Variants in FARS2 observed in about 807,000 individuals in gnomAD.
FARS2 encodes the protein phenylalanine--tRNA ligase, mitochondrial.
In FARS2, 40 loss-of-function variants were observed where a neutral mutation model predicts 46.4. The ratio of observed to expected loss-of-function variants is 0.86; its 90% CI spans 0.67 to 1.12. The LOEUF (loss-of-function observed/expected upper bound fraction) is 1.12. FARS2 is among the 50% of genes most tolerant of loss of function. The pLI, the probability that FARS2 is intolerant of heterozygous loss-of-function variation, is 0.00. For synonymous variants in FARS2, 234 were observed against 214.9 expected (o/e 1.09, Z -0.78); for missense variants, 513 against 567.9 (o/e 0.90, Z 0.98).
At chr6:5,480,772 T>C (rs1766406406) in intron 4 of FARS2, among the ~76,000 whole-genome samples, 1 of 152,228 alleles carries the variant, frequency 6.6e-6, no homozygotes, top group Non-Finnish European at 1.5e-5. Context: ...TGGCTTCTTT[T>C]CTGACTGAGT....
intron 1 of FARS2, among the ~76,000 whole-genome samples, chr6:5,363,178 G>A (rs966440355): frequency 5.3e-5 from 8 of 151,612 alleles, no homozygotes; most frequent in Non-Finnish European, 1.2e-4. Flanking sequence ...CACCCACCTC[G>A]GCCTCCCAAA....
chr6:5,484,225 A>G (rs1207119854), intron 4 of FARS2, among the ~76,000 whole-genome samples: 1 of 152,236 alleles, frequency 6.6e-6, no homozygotes, highest in African/African-American at 2.4e-5. Context: ...AAGTAATCAT[A>G]ATGGTTGAGT....
At chr6:5,570,722 G>A (rs1182637988) in intron 5 of FARS2, among the ~76,000 whole-genome samples, 1 of 152,178 alleles carries the variant, frequency 6.6e-6, no homozygotes, top group South Asian at 2.1e-4. Flanking sequence ...CAACATGATT[G>A]CTGACGGGGA....
At chr6:5,609,617 A>G (rs1775059178) in intron 5 of FARS2, 1 of 1,221,432 alleles carries the variant, frequency 8.2e-7, no homozygotes, top group Admixed American at 1.7e-5. Flanking sequence ...TCTTTGGCTG[A>G]AAGAAGCACT....
At chr6:5,334,291 G>A (rs901785942) in intron 1 of FARS2, among the ~76,000 whole-genome samples, 5 of 152,146 alleles carry the variant, frequency 3.3e-5, no homozygotes, top group African/African-American at 7.2e-5. Context: ...CCTAACTGGC[G>A]CACTCCCTCT....
At chr6:5,552,489 T>G (rs1187390109) in intron 5 of FARS2, among the ~76,000 whole-genome samples, 1 of 152,158 alleles carries the variant, frequency 6.6e-6, no homozygotes, top group Non-Finnish European at 1.5e-5. Flanking sequence ...GGTGTCTTTC[T>G]CTGTGCGGCC....
chr6:5,298,252 A>G (rs9502286), intron 1 of FARS2, among the ~76,000 whole-genome samples: 2 of 151,962 alleles, frequency 1.3e-5, no homozygotes, highest in African/African-American at 2.4e-5. Flanking sequence ...TGCTTCTTGT[A>G]TTGTTGTCAG....
At chr6:5,250,088 A>G in the FARS2 span, among the ~76,000 whole-genome samples, 1 of 152,170 alleles carries the variant, frequency 6.6e-6, no homozygotes, top group Non-Finnish European at 1.5e-5. Flanking sequence ...ATTTACTTAT[A>G]ATTGTACTTT....
chr6:5,498,850 G>A (rs899616146), intron 4 of FARS2, among the ~76,000 whole-genome samples: 46 of 152,224 alleles, frequency 3.0e-4, no homozygotes, highest in African/African-American at 1.0e-3. Flanking sequence ...AAATTAAGCA[G>A]GATGCTAGAA....
intron 6 of FARS2, among the ~76,000 whole-genome samples, chr6:5,650,044 G>T (rs947843838): frequency 6.6e-6 from 1 of 152,230 alleles, no homozygotes; most frequent in South Asian, 2.1e-4. Flanking sequence ...CCCCACTGCC[G>T]GACCCATTTT....
intron 1 of FARS2, among the ~76,000 whole-genome samples, chr6:5,340,748 A>G (rs909592070): frequency 1.3e-5 from 2 of 152,116 alleles, no homozygotes; most frequent in Non-Finnish European, 1.5e-5. Flanking sequence ...AGGCTAAGCC[A>G]TCTTCTGCCC....
chr6:5,428,125 G>T (rs945414486), intron 3 of FARS2, among the ~76,000 whole-genome samples: 10 of 152,114 alleles, frequency 6.6e-5, no homozygotes, highest in East Asian at 1.9e-4. Context: ...TTTAGTTAGG[G>T]TTTAATAAAC....
intron 4 of FARS2, among the ~76,000 whole-genome samples, chr6:5,458,769 A>C (rs1283260382): frequency 2.6e-5 from 4 of 152,222 alleles, no homozygotes; most frequent in African/African-American, 9.6e-5. Context: ...TCATTTCAAG[A>C]ATCAACATGG....
chr6:5,488,237 G>A (rs1582248289), intron 4 of FARS2, among the ~76,000 whole-genome samples: 1 of 151,842 alleles, frequency 6.6e-6, no homozygotes, highest in Non-Finnish European at 1.5e-5. Context: ...AAACTTCAAG[G>A]AAAAAAGTAC....
chr6:5,315,749 T>TCTTC (rs1769460071), intron 1 of FARS2, among the ~76,000 whole-genome samples: 4 of 149,540 alleles, frequency 2.7e-5, no homozygotes, highest in East Asian at 1.9e-4. Flanking sequence ...TTCCTTTCTT[T>TCTTC]CTTTCTTTCT....
At chr6:5,576,086 A>T (rs529534718) in intron 5 of FARS2, among the ~76,000 whole-genome samples, 32 of 152,244 alleles carry the variant, frequency 2.1e-4, no homozygotes, top group African/African-American at 7.7e-4. Flanking sequence ...AAAACGATTG[A>T]GTCTCATCAC....
chr6:5,632,646 C>T (rs1056364010), intron 6 of FARS2, among the ~76,000 whole-genome samples: 2 of 145,854 alleles, frequency 1.4e-5, no homozygotes, highest in Admixed American at 1.4e-4. Context: ...TTCTTCCTTC[C>T]TTCCTTCCTT....
chr6:5,533,971 T>G (rs748706514), intron 4 of FARS2, among the ~76,000 whole-genome samples: 1 of 152,248 alleles, frequency 6.6e-6, no homozygotes, highest in Non-Finnish European at 1.5e-5. Flanking sequence ...TAAGGAAGAT[T>G]TAGAATAGAA....
rs147458527 is a variant in FARS2, at chr6:5,759,975, C to T, written c.1218-11316C>T. ...ATATTCCAGCCTAGAATATTGTAGA[C>T]GGAGGAGGTGCATCCTACCAGCCAA... On this transcript the variant is annotated intron_variant, in intron 6 of 6. Coordinates refer to ENST00000274680, the MANE Select transcript of FARS2 (RefSeq NM_006567.5). 6.2e-3 allele frequency among the ~76,000 whole-genome samples: 945 copies of T among 152,242 alleles called. 15 individuals carry two copies. Among genetic ancestry groups the T allele is most frequent in the African/African-American group, 0.022 (893 of 41,528 alleles).
Sources: allele counts gnomAD v4.1 joint callset (sites outside exome capture counted in the v4.1 genomes callset), GRCh38; gene constraint gnomAD v4.1.1; transcripts MANE v1.5; gene names NCBI Gene and HGNC (gene_info 2026-07-23, HGNC 2026-07-21).